The following FMNL2 variants were observed in gnomAD, a reference collection of about 807,000 sequenced individuals.
The protein encoded by FMNL2 is formin like 2.
Under a neutral mutation model 130.2 loss-of-function variants are expected in FMNL2, and 51 were observed. That is an observed-to-expected ratio of 0.39 (90% CI 0.31 to 0.49). The LOEUF (loss-of-function observed/expected upper bound fraction) is 0.49. Ranked by LOEUF, FMNL2 falls within the 20% of genes least tolerant of loss-of-function variation. The pLI, the probability that FMNL2 is intolerant of heterozygous loss-of-function variation, is 0.85. For synonymous variants in FMNL2, 465 were observed against 467.1 expected (o/e 1.00, Z 0.06); for missense variants, 977 against 1,316.2 (o/e 0.74, Z 3.99).
At chr2:152,343,861 A>G (rs1396142620) in intron 1 of FMNL2, among the ~76,000 whole-genome samples, 4 of 152,080 alleles carry the variant, frequency 2.6e-5, no homozygotes, top group Non-Finnish European at 5.9e-5. Flanking sequence ...ATCCTCAGAA[A>G]GTACAAGTGG....
chr2:152,427,027 T>A (rs7607429), intron 1 of FMNL2, among the ~76,000 whole-genome samples: 73,723 of 152,080 alleles, frequency 0.48, 19,962 homozygotes, highest in African/African-American at 0.73. Context: ...GTGTTTTTGT[T>A]TTACAAAATC....
intron 2 of FMNL2, among the ~76,000 whole-genome samples, chr2:152,533,467 T>C (rs1693818644): frequency 6.6e-6 from 1 of 152,088 alleles, no homozygotes; most frequent in Admixed American, 6.5e-5. Flanking sequence ...TCTGTTCTAC[T>C]CATCTATATT....
At chr2:152,509,926 C>A (rs745434461) in intron 1 of FMNL2, among the ~76,000 whole-genome samples, 1 of 151,402 alleles carries the variant, frequency 6.6e-6, no homozygotes, top group Admixed American at 6.6e-5. Context: ...AAAAGTTTCT[C>A]TTTGTAGAGA....
rs528527852 is a variant in FMNL2, at chr2:152,572,815, A to C, written c.597-2321A>C. 4.0e-5 allele frequency among the ~76,000 whole-genome samples: 6 copies of C among 150,670 alleles called. No homozygotes were observed. In the South Asian group the frequency reaches 6.3e-4, roughly 16 times the overall value. ...ACCTGTTTTTTTTTTTTTTTAAAGT[A>C]GTCATTTACTCACATGGTAATTAAA... On this transcript the variant is annotated intron_variant, in intron 6 of 25. Coordinates refer to ENST00000288670, the MANE Select transcript of FMNL2 (RefSeq NM_052905.4).
At chr2:152,512,236 G>A (rs926810448) in intron 1 of FMNL2, among the ~76,000 whole-genome samples, 5 of 152,148 alleles carry the variant, frequency 3.3e-5, no homozygotes, top group East Asian at 1.9e-4. Context: ...GTCAAGAATC[G>A]TTAGACAGCA....
chr2:152,619,075 G>A lies in FMNL2; in HGVS notation c.1544G>A (p.Gly515Glu), dbSNP rs1387396196. 5 of 1,613,370 alleles carry A rather than the reference G, an allele frequency of 3.1e-6. No homozygotes were observed. The highest frequency in any genetic ancestry group is 8.5e-7 in the Non-Finnish European group (1 of 1,179,420). ...GSEVVAGNSVGPTMGAASSGP... is the reference protein window; with the variant it reads ...GSEVVAGNSVEPTMGAASSGP... Reference sequence around the variant, plus strand: ...GAAGTGGTAGCAGGTAACTCTGTGGGACCCACAATGGGGGCCGCTTCCTCA... The same window carrying A: ...GAAGTGGTAGCAGGTAACTCTGTGGAACCCACAATGGGGGCCGCTTCCTCA... Residue 515 changes from glycine (G) to glutamate (E), a missense_variant, in exon 14 of 26, where the codon GGA (glycine) becomes GAA (glutamate). Coordinates refer to ENST00000288670, the MANE Select transcript of FMNL2 (RefSeq NM_052905.4).
Position 152,353,560 on chromosome 2 carries a change from G to T in FMNL2, c.117+17840G>T, listed in dbSNP as rs1184879055. ...TTTAACAAAGCTTGTTTATGATCTT[G>T]GACTTTGGACTAAACCTGAGTTTGA... On this transcript the variant is annotated intron_variant, in intron 1 of 25. Coordinates refer to ENST00000288670, the MANE Select transcript of FMNL2 (RefSeq NM_052905.4). Among the ~76,000 whole-genome samples, 3 of 152,100 alleles carry T rather than the reference G, an allele frequency of 2.0e-5. No individual in the cohort carries two copies. The South Asian group carries it at 6.2e-4, about 32-fold the overall frequency.
At chr2:152,526,447 A>C (rs1368642937) in intron 2 of FMNL2, among the ~76,000 whole-genome samples, 1 of 152,028 alleles carries the variant, frequency 6.6e-6, no homozygotes, top group Non-Finnish European at 1.5e-5. Context: ...CTGTTTCCCA[A>C]GTTCCAGGCT....
chr2:152,502,104 A>G (rs1487906465), intron 1 of FMNL2, among the ~76,000 whole-genome samples: 2 of 152,150 alleles, frequency 1.3e-5, no homozygotes, highest in Non-Finnish European at 2.9e-5. Flanking sequence ...TTCTTGTGGA[A>G]AACACTTGGG....
intron 6 of FMNL2, among the ~76,000 whole-genome samples, chr2:152,567,464 T>G (rs1167032271): frequency 6.6e-6 from 1 of 152,230 alleles, no homozygotes; most frequent in Non-Finnish European, 1.5e-5. Flanking sequence ...TCTTGATCCC[T>G]CTACCTCTCC....
At chr2:152,436,122 A>G (rs1464019730) in intron 1 of FMNL2, among the ~76,000 whole-genome samples, 2 of 151,832 alleles carry the variant, frequency 1.3e-5, no homozygotes, top group Non-Finnish European at 2.9e-5. Context: ...CCCGTGCTTG[A>G]TAAGTTCAGG....
At chr2:152,460,586 C>T (rs887537451) in intron 1 of FMNL2, among the ~76,000 whole-genome samples, 1 of 152,218 alleles carries the variant, frequency 6.6e-6, no homozygotes, top group African/African-American at 2.4e-5. Flanking sequence ...GGCCACGGAC[C>T]TGTTAGGAAC....
intron 1 of FMNL2, among the ~76,000 whole-genome samples, chr2:152,485,668 T>TA (rs1464774186): frequency 6.6e-6 from 1 of 152,202 alleles, no homozygotes; most frequent in Non-Finnish European, 1.5e-5. Flanking sequence ...ATTATACATT[T>TA]AAAAAATCGA....
chr2:152,496,615 A>T (rs1691530699), intron 1 of FMNL2, among the ~76,000 whole-genome samples: 1 of 152,186 alleles, frequency 6.6e-6, no homozygotes, highest in African/African-American at 2.4e-5. Context: ...TTTGCCAAAT[A>T]GTGATTTTTA....
intron 1 of FMNL2, among the ~76,000 whole-genome samples, chr2:152,398,021 G>A (rs1024134340): frequency 6.6e-6 from 1 of 152,168 alleles, no homozygotes; most frequent in African/African-American, 2.4e-5. Context: ...GCCTTGGGAG[G>A]CTGAGGCGGG....
intron 1 of FMNL2, among the ~76,000 whole-genome samples, chr2:152,357,215 CAGTTTAATGTAT>C (rs1682880151): frequency 1.5e-5 from 1 of 66,848 alleles, no homozygotes; most frequent in Non-Finnish European, 3.2e-5. Context: ...AATATTAAAT[CAGTTTAATGTAT>C]CACGATAAAT....
chr2:152,341,074 A>G (rs919877509), intron 1 of FMNL2, among the ~76,000 whole-genome samples: 2 of 152,226 alleles, frequency 1.3e-5, no homozygotes, highest in Non-Finnish European at 2.9e-5. Context: ...AGCACTTGCC[A>G]TAAAGTCTGT....
intron 10 of FMNL2, among the ~76,000 whole-genome samples, chr2:152,611,128 C>T (rs896654303): frequency 6.6e-6 from 1 of 152,196 alleles, no homozygotes; most frequent in Non-Finnish European, 1.5e-5. Context: ...ATCACGAGGT[C>T]AGGTGTTTGA....
chr2:152,335,420 G>A lies in FMNL2; in HGVS notation c.-184G>A, dbSNP rs1681340159. 4 of 318,690 alleles carry A rather than the reference G, an allele frequency of 1.3e-5. 1 individual carries two copies. Among genetic ancestry groups the A allele is most frequent in the Non-Finnish European group, 1.1e-5 (2 of 178,926 alleles). 19.7% of individuals were successfully genotyped at this position (318,690 alleles called of 1,614,324 possible). ...GGCGGAGAGCATGAGGGAGGCCGGG[G>A]GGCGGCTCGGCTTGGAGCGCTGCTA... is the stretch of plus-strand genomic sequence containing the variant. On this transcript the variant is annotated 5_prime_UTR_variant, in exon 1 of 26. Coordinates refer to ENST00000288670, the MANE Select transcript of FMNL2 (RefSeq NM_052905.4).
Sources: gnomAD v4.1 joint callset for allele counts (sites outside exome capture counted in the v4.1 genomes callset) on GRCh38, gnomAD v4.1.1 for gene constraint, MANE v1.5 for transcripts, NCBI Gene and HGNC (gene_info 2026-07-23, HGNC 2026-07-21) for gene names.